MCC: variants seen among roughly 807,000 people sequenced by gnomAD.
The protein encoded by MCC is MCC regulator of Wnt signaling pathway, also known as colorectal mutant cancer protein.
In MCC, 90 loss-of-function variants were observed where a neutral mutation model predicts 116.2. The ratio of observed to expected loss-of-function variants is 0.77; its 90% CI spans 0.65 to 0.92. The LOEUF (loss-of-function observed/expected upper bound fraction) is 0.92, where lower values mean the gene tolerates loss of function less well. MCC is among the 40% of genes least tolerant of loss of function. The probability of loss-of-function intolerance (pLI) is 0.00; values close to 1 mark genes in which losing one functional copy is unlikely to be tolerated. For synonymous variants in MCC, 578 were observed against 510.5 expected, an observed-to-expected ratio of 1.13 and a Z score of -1.78; for missense variants, 1,516 against 1,312.2, an observed-to-expected ratio of 1.16 and a Z score of -2.40.
chr5:113,282,197 G>C (rs1766071968), intron 3 of MCC, among the ~76,000 whole-genome samples: 1 of 152,168 alleles, frequency 6.6e-6, no homozygotes, highest in African/African-American at 2.4e-5. Flanking sequence ...ACCCAGTGAA[G>C]TTAGCAGAGA....
intron 3 of MCC, among the ~76,000 whole-genome samples, chr5:113,229,776 C>T (rs1035777586): frequency 7.3e-5 from 11 of 151,634 alleles, no homozygotes; most frequent in Admixed American, 7.2e-4. Context: ...CTATTGGCTA[C>T]AGTACTCAGT....
chr5:113,255,338 C>A (rs780284019), intron 3 of MCC, among the ~76,000 whole-genome samples: 5 of 152,100 alleles, frequency 3.3e-5, no homozygotes, highest in Non-Finnish European at 1.5e-5. Context: ...CCTGTTTTTC[C>A]TATGAAAGCC....
chr5:113,077,490 G>A (rs1453262799), intron 11 of MCC, among the ~76,000 whole-genome samples: 2 of 152,146 alleles, frequency 1.3e-5, no homozygotes, highest in Non-Finnish European at 2.9e-5. Flanking sequence ...CTAGAACTCA[G>A]GATTAAGAAA....
At chr5:113,165,865 G>A (rs1360537246) in intron 3 of MCC, among the ~76,000 whole-genome samples, 2 of 150,922 alleles carry the variant, frequency 1.3e-5, no homozygotes, top group African/African-American at 4.9e-5. Flanking sequence ...CTTCCCAGAA[G>A]TAAGACTTCT....
chr5:113,051,657 G>A (rs1422510514), intron 15 of MCC, among the ~76,000 whole-genome samples: 2 of 152,156 alleles, frequency 1.3e-5, no homozygotes, highest in Non-Finnish European at 2.9e-5. Context: ...GCCCAAGGGC[G>A]AGGCTATAGT....
In MCC at chr5:113,128,143, TCAACAG is replaced by T. The variant is rs768395028; in HGVS notation, c.885-5323_885-5318del. On this transcript the variant is annotated intron_variant, in intron 5 of 18. Coordinates refer to ENST00000408903, the MANE Select transcript of MCC (RefSeq NM_001085377.2). ...ACTTCAAGCTGAAAGTACTATGGAGTCAACAGCATTTGATAGACTGTCATGTCACTA... is the reference window on the plus strand; with the variant it reads ...ACTTCAAGCTGAAAGTACTATGGAGTCATTTGATAGACTGTCATGTCACTA... 4.6e-5 allele frequency among the ~76,000 whole-genome samples: 7 copies of T among 152,316 alleles called. No homozygotes were observed. The South Asian group carries it at 6.2e-4, about 14-fold the overall frequency.
At chr5:113,027,925 C>A (rs1193437038) in intron 18 of MCC, among the ~76,000 whole-genome samples, 1 of 152,220 alleles carries the variant, frequency 6.6e-6, no homozygotes, top group Admixed American at 6.5e-5. Context: ...AGAGGTTGTT[C>A]TTGTTCCACC....
intron 2 of MCC, among the ~76,000 whole-genome samples, chr5:113,364,254 A>C (rs1441981992): frequency 4.8e-5 from 6 of 125,810 alleles, no homozygotes; most frequent in African/African-American, 2.1e-4. Context: ...AAAAAAAAAA[A>C]AAAAAACCAG....
At position 113,122,615 on chromosome 5, in the gene MCC, C is replaced by G. The variant is rs1050278982; in HGVS notation, c.1027+69G>C. ...TTAAATTTTAATTCAGGCTGCCTCA[C>G]ATTTCTAAAATTTCTATTACAATCC... On this transcript the variant is annotated intron_variant, in intron 6 of 18. Transcript: ENST00000408903. 7.0e-6 allele frequency: 11 copies of G among 1,573,852 alleles called. No individual in the cohort carries two copies. In the African/African-American group the frequency reaches 1.4e-4, roughly 19 times the overall value.
chr5:113,318,807 A>G (rs1767349234), intron 3 of MCC, among the ~76,000 whole-genome samples: 1 of 152,208 alleles, frequency 6.6e-6, no homozygotes, highest in Non-Finnish European at 1.5e-5. Flanking sequence ...ACAAACCTCC[A>G]CGTGTGCCCC....
chr5:113,471,607 T>G (rs1259629487), intron 1 of MCC, among the ~76,000 whole-genome samples: 1 of 152,106 alleles, frequency 6.6e-6, no homozygotes, highest in Non-Finnish European at 1.5e-5. Flanking sequence ...GTTAGGCTAC[T>G]CGGGGGTCAG....
chr5:113,430,977 G>A (rs1302414873), intron 1 of MCC, among the ~76,000 whole-genome samples: 1 of 152,188 alleles, frequency 6.6e-6, no homozygotes, highest in African/African-American at 2.4e-5. Flanking sequence ...AATGTGTACG[G>A]TAGGAAGAGC....
At chr5:113,069,661 C>T (rs1378969006) in intron 12 of MCC, among the ~76,000 whole-genome samples, 2 of 152,206 alleles carry the variant, frequency 1.3e-5, no homozygotes, top group African/African-American at 4.8e-5. Flanking sequence ...CTCCGCCTCC[C>T]AGGTTCACGC....
At chr5:113,442,316 G>T (rs933043707) in intron 1 of MCC, among the ~76,000 whole-genome samples, 1 of 152,278 alleles carries the variant, frequency 6.6e-6, no homozygotes, top group East Asian at 1.9e-4. Context: ...AGAAGTGTCT[G>T]TTCATACACT....
intron 8 of MCC, among the ~76,000 whole-genome samples, chr5:113,093,469 A>ATCTCTCTCTCTC (rs144701142): frequency 6.7e-6 from 1 of 149,192 alleles, no homozygotes; most frequent in African/African-American, 2.5e-5. Context: ...CTATCTGTTG[A>ATCTCTCTCTCTC]TCTCTCTCTC....
At chr5:113,328,844 G>A (rs949164637) in intron 3 of MCC, among the ~76,000 whole-genome samples, 3 of 152,154 alleles carry the variant, frequency 2.0e-5, no homozygotes, top group African/African-American at 7.2e-5. Flanking sequence ...TTCCAATAGA[G>A]GAATAAGACC....
intron 1 of MCC, among the ~76,000 whole-genome samples, chr5:113,481,178 C>T (rs348927): frequency 0.36 from 54,824 of 152,040 alleles, 12,407 homozygotes; most frequent in East Asian, 0.68. Flanking sequence ...TAGCCTATTT[C>T]CCTTTTTATA....
intron 3 of MCC, among the ~76,000 whole-genome samples, chr5:113,222,691 T>G (rs1763595269): frequency 6.6e-6 from 1 of 152,228 alleles, no homozygotes; most frequent in Non-Finnish European, 1.5e-5. Flanking sequence ...AATCACATTT[T>G]GAAATGGCAC....
chr5:113,237,971 G>A (rs1190988195), intron 3 of MCC, among the ~76,000 whole-genome samples: 1 of 152,188 alleles, frequency 6.6e-6, no homozygotes, highest in African/African-American at 2.4e-5. Flanking sequence ...AAAAACTGAA[G>A]TAGGGAAACA....
Sources: gnomAD v4.1 joint callset for allele counts (sites outside exome capture counted in the v4.1 genomes callset) on GRCh38, gnomAD v4.1.1 for gene constraint, MANE v1.5 for transcripts, NCBI Gene and HGNC (gene_info 2026-07-23, HGNC 2026-07-21) for gene names.